The following KIF20B variants were observed in gnomAD, a reference collection of about 807,000 sequenced individuals.
The protein encoded by KIF20B is kinesin family member 20B, also known as kinesin-like protein KIF20B.
Under a neutral mutation model 232.5 loss-of-function variants are expected in KIF20B, and 188 were observed. That is an observed-to-expected ratio of 0.81 (90% CI 0.72 to 0.91). The LOEUF is 0.91. Among genes scored for constraint, KIF20B ranks in the 40% least tolerant of loss-of-function variants. The pLI is 0.00. For synonymous variants in KIF20B, 712 were observed against 683.0 expected (o/e 1.04, Z -0.66); for missense variants, 2,154 against 2,055.9 (o/e 1.05, Z -0.92).
Position 89,738,281 on chromosome 10 carries a change from G to T in KIF20B, c.3440G>T (p.Arg1147Ile). The change falls in exon 20 of 33, where the codon AGA becomes ATA. Residue 1147 changes from arginine to isoleucine, a missense_variant. Transcript: ENST00000371728. Reference protein sequence around the residue: ...VQIQHVVEGKRALSELTQGVT... With the variant: ...VQIQHVVEGKIALSELTQGVT... Reference sequence around the variant, plus strand: ...ATACAGCATGTAGTTGAAGGAAAGAGAGCGCTTTCAGAACTTACACAAGGT... The same window carrying T: ...ATACAGCATGTAGTTGAAGGAAAGATAGCGCTTTCAGAACTTACACAAGGT... The T allele has an allele frequency of 6.2e-7, 1 of 1,610,994 alleles. No homozygotes were observed. Among genetic ancestry groups the T allele is most frequent in the Non-Finnish European group, 8.5e-7 (1 of 1,179,166 alleles).
At chr10:89,723,831 C>T in intron 13 of KIF20B, 133 bp from the exon 14 acceptor site, 1 of 743,854 alleles carries the variant, frequency 1.3e-6, no homozygotes, top group Non-Finnish European at 1.9e-6. Flanking sequence ...TCAGTGAGAA[C>T]ATTATCACTA....
At chr10:89,734,425 G>T (rs1044148254) in intron 19 of KIF20B, among the ~76,000 whole-genome samples, 1 of 151,988 alleles carries the variant, frequency 6.6e-6, no homozygotes, top group Non-Finnish European at 1.5e-5. Flanking sequence ...AAATGAAAGT[G>T]GTGGTGGGGG....
intron 13 of KIF20B, among the ~76,000 whole-genome samples, chr10:89,723,317 A>G (rs1329135159): frequency 6.6e-6 from 1 of 152,252 alleles, no homozygotes; most frequent in Non-Finnish European, 1.5e-5. Flanking sequence ...TTATGAATGT[A>G]TAATGGTCAT....
chr10:89,716,931 A>G (rs1467201901), intron 9 of KIF20B, among the ~76,000 whole-genome samples: 1 of 152,056 alleles, frequency 6.6e-6, no homozygotes, highest in Admixed American at 6.6e-5. Flanking sequence ...TTTTGATGGG[A>G]TTGGGGGATG....
At position 89,731,579 on chromosome 10, in the gene KIF20B, A is replaced by G. The variant is rs575658202; in HGVS notation, c.2392-1324A>G. Among the ~76,000 whole-genome samples the G allele has an allele frequency of 6.6e-5, 10 of 152,326 alleles. 1 individual carries two copies. The highest frequency in any genetic ancestry group is 2.4e-4 in the African/African-American group (10 of 41,570). On this transcript the variant is annotated intron_variant, in intron 18 of 32. Transcript: ENST00000371728. The stretch of plus-strand genomic sequence containing the variant: ...TTGAATTCTTTGCTTTTTCTACCCA[A>G]GCATACCCTGGGAGCAGAAAACCCT...
In KIF20B at chr10:89,711,075, TA is replaced by T; in HGVS notation, c.607del (p.Arg203GlyfsTer38). On this transcript the variant is annotated frameshift_variant, in exon 6 of 33. Coordinates refer to ENST00000371728, the MANE Select transcript of KIF20B (RefSeq NM_001284259.2). LOFTEE classifies it high-confidence loss of function. ...NLKPHRSREY[L>X]RLSSEQEKEE... ...AAACCACATAGATCCAGAGAATACT[TA>T]AGGTTATCATCAGAACAAGAGAAAG... 6.2e-7 allele frequency: 1 copy of T among 1,604,898 alleles called. No individual in the cohort carries two copies. Among genetic ancestry groups the T allele is most frequent in the Non-Finnish European group, 8.5e-7 (1 of 1,174,678 alleles).
rs182047732 is a variant in KIF20B at position 89,753,154 on chromosome 10, T to C, written c.4347+463T>C. On this transcript the variant is annotated intron_variant, in intron 25 of 32. Transcript: ENST00000371728. The stretch of plus-strand genomic sequence containing the variant: ...TAGAAGGTATTCTATTTTGTGTGTG[T>C]GTGTTTTTTTCTTGTTCAGCTTTAA... Among the ~76,000 whole-genome samples the C allele has an allele frequency of 9.2e-5, 14 of 152,316 alleles. No homozygotes were observed. In the East Asian group the frequency reaches 2.7e-3, roughly 29 times the overall value.
intron 18 of KIF20B, among the ~76,000 whole-genome samples, chr10:89,732,538 C>T (rs946720380): frequency 8.6e-5 from 13 of 151,768 alleles, no homozygotes; most frequent in Admixed American, 6.6e-5. Flanking sequence ...GAATATATAT[C>T]GACTTAAAGC....
rs756914916 is a variant in KIF20B, at chr10:89,737,635, G to T, written c.2794G>T (p.Glu932Ter). Residue 932 changes from glutamate (E) to a stop codon, truncating the protein, a stop_gained, in exon 20 of 33, where the codon GAG becomes TAG. Coordinates refer to ENST00000371728, the MANE Select transcript of KIF20B (RefSeq NM_001284259.2). LOFTEE classifies it high-confidence loss of function. ...SEKKNLTLSKEVQQIQSNYDI... is the reference protein window; with the variant it reads ...SEKKNLTLSK ...AAAAAAGAATTTAACTTTAAGTAAA[G>T]AGGTCCAACAAATTCAGTCAAATTA... 3.7e-6 allele frequency: 6 copies of T among 1,610,026 alleles called. No individual in the cohort carries two copies. In the Admixed American group the frequency reaches 1.0e-4, roughly 27 times the overall value.
Position 89,738,710 on chromosome 10 carries a change from G to T in KIF20B, c.3776+93G>T, listed in dbSNP as rs968320307. ...AAAGTTAGATAGTCATACTTAATCT[G>T]GTAAAGCGTAGCATGTATGATGAGT... is the stretch of plus-strand genomic sequence containing the variant. On this transcript the variant is annotated intron_variant, in intron 20 of 32. Coordinates refer to ENST00000371728, the MANE Select transcript of KIF20B (RefSeq NM_001284259.2). 7.1e-6 allele frequency: 10 copies of T among 1,410,796 alleles called. No homozygotes were observed. The African/African-American group carries it at 1.5e-4, about 20-fold the overall frequency. 87.4% of individuals were successfully genotyped at this position (1,410,796 alleles called of 1,614,324 possible). A position where few individuals can be genotyped will look rare whatever the true frequency, so the allele number is the denominator to read the frequency against.
intron 22 of KIF20B, among the ~76,000 whole-genome samples, chr10:89,745,538 A>C (rs1346929857): frequency 1.3e-5 from 2 of 151,984 alleles, no homozygotes; most frequent in Non-Finnish European, 2.9e-5. Context: ...CAAACAAATA[A>C]ATAAATAAAT....
At chr10:89,706,018 T>C (rs937062262) in intron 2 of KIF20B, among the ~76,000 whole-genome samples, 13 of 152,334 alleles carry the variant, frequency 8.5e-5, no homozygotes, top group South Asian at 2.1e-4. Context: ...ACTTGTGTTT[T>C]CATTTTTCTT....
At chr10:89,738,900 G>A (rs1841730522) in intron 20 of KIF20B, 58 bp from the exon 21 acceptor site, 1 of 1,510,818 alleles carries the variant, frequency 6.6e-7, no homozygotes, top group South Asian at 1.2e-5. Flanking sequence ...CATTTCACAT[G>A]TATGGTCCTA....
intron 31 of KIF20B, 75 bp from the exon 32 acceptor site, chr10:89,772,614 C>G: frequency 1.1e-6 from 1 of 904,120 alleles, no homozygotes; most frequent in Non-Finnish European, 1.6e-6. Context: ...TTCAAACCAT[C>G]TTTATTAAGG....
At chr10:89,747,342 T>C (rs530893947) in intron 23 of KIF20B, among the ~76,000 whole-genome samples, 1 of 151,902 alleles carries the variant, frequency 6.6e-6, no homozygotes, top group Non-Finnish European at 1.5e-5. Flanking sequence ...TCCTCAGGGA[T>C]CTAGAACTAG....
rs1396319866 is a variant in KIF20B at position 89,774,475 on chromosome 10, C to T, written c.*427C>T. On this transcript the variant is annotated 3_prime_UTR_variant, in exon 33 of 33. Transcript: ENST00000371728. The stretch of plus-strand genomic sequence containing the variant: ...TTGGAGAATAAGTGTGTACAGATCA[C>T]AAAACATGTATATACATTATTTAGA... 6.6e-6 allele frequency: 1 copy of T among 152,094 alleles called. No individual in the cohort carries two copies. Among genetic ancestry groups the T allele is most frequent in the Non-Finnish European group, 1.5e-5 (1 of 68,056 alleles). The allele number at this position is 152,094 out of a possible 1,614,324, so 9.4% of individuals were successfully genotyped here.
In KIF20B at chr10:89,738,085, G is replaced by C; in HGVS notation, c.3244G>C (p.Glu1082Gln). 1 of 1,612,666 alleles carries C rather than the reference G, an allele frequency of 6.2e-7. No individual in the cohort carries two copies. Residue 1082 changes from glutamate (E) to glutamine (Q), a missense_variant, in exon 20 of 33, where the codon GAA becomes CAA. Coordinates refer to ENST00000371728, the MANE Select transcript of KIF20B (RefSeq NM_001284259.2). Reference sequence around the variant, plus strand: ...AAAAAGTCATCAGATTGAGGAACTGGAACAACAAATTGAAAAATTGCAGGC... The same window carrying C: ...AAAAAGTCATCAGATTGAGGAACTGCAACAACAAATTGAAAAATTGCAGGC... ...SKKSHQIEEL[E>Q]QQIEKLQAEV...
chr10:89,737,376 T>TC lies in KIF20B; in HGVS notation c.2546-11_2546-10insC. 1 of 1,466,076 alleles carries TC rather than the reference T, an allele frequency of 6.8e-7. No individual in the cohort carries two copies. Among genetic ancestry groups the TC allele is most frequent in the Non-Finnish European group, 9.0e-7 (1 of 1,111,100 alleles). 90.8% of individuals were successfully genotyped at this position (1,466,076 alleles called of 1,614,324 possible). ...TTTGCCAGATTAATAACAATTTTCT[T>TC]ATTTTTAAAGGGTCTATCCATGTTA... is the stretch of plus-strand genomic sequence containing the variant. On this transcript the variant is annotated splice_polypyrimidine_tract_variant and intron_variant, in intron 19 of 32. Transcript: ENST00000371728.
chr10:89,772,696 G>A lies in KIF20B; in HGVS notation c.5250G>A (p.Lys1750=), dbSNP rs769072412. ...SPSILQSKAK[K]IIETMSSSKL... is the part of the protein sequence containing the mutation. Reference sequence around the variant, plus strand: ...AACAATTTTATTTTATAGCAAAGAAGATAATTGAAACAATGAGCTCTTCAA... The same window carrying A: ...AACAATTTTATTTTATAGCAAAGAAAATAATTGAAACAATGAGCTCTTCAA... The change falls in exon 32 of 33, where the codon AAG becomes AAA. Residue 1750 remains lysine (K), a synonymous_variant. Transcript: ENST00000371728. 6.4e-7 allele frequency: 1 copy of A among 1,565,238 alleles called. No individual in the cohort carries two copies. The highest frequency in any genetic ancestry group is 1.8e-4 in the Middle Eastern group (1 of 5,714).
Sources: gnomAD v4.1 joint callset for allele counts (sites outside exome capture counted in the v4.1 genomes callset) on GRCh38, gnomAD v4.1.1 for gene constraint, MANE v1.5 for transcripts, NCBI Gene and HGNC (gene_info 2026-07-23, HGNC 2026-07-21) for gene names.